Variants in AKR7A3 observed in about 807,000 individuals in gnomAD.
AKR7A3 encodes aldo-keto reductase family 7 member A3.
A neutral mutation model predicts 32.5 loss-of-function variants in AKR7A3; 37 were observed. That is an observed-to-expected ratio of 1.14 (90% CI 0.88 to 1.50). AKR7A3 has a LOEUF of 1.50. AKR7A3 is among the 40% of genes most tolerant of loss of function. The pLI, the probability that AKR7A3 is intolerant of heterozygous loss-of-function variation, is 0.00. For missense variants in AKR7A3, 412 were observed against 453.2 expected, an observed-to-expected ratio of 0.91 and a Z score of 0.83; for synonymous variants, 177 against 188.4, an observed-to-expected ratio of 0.94 and a Z score of 0.50.
At chr1:19,277,021 G>A in the AKR7A3 span, among the ~76,000 whole-genome samples, 1 of 151,944 alleles carries the variant, frequency 6.6e-6, no homozygotes, top group African/African-American at 2.4e-5. Context: ...GGCTGAGGCA[G>A]GAGAATCCCT....
chr1:19,287,854 G>C (rs2093733541), intron 1 of AKR7A3, among the ~76,000 whole-genome samples: 1 of 152,068 alleles, frequency 6.6e-6, no homozygotes. Flanking sequence ...AATAGCCTCC[G>C]ACAGAGCCTC....
rs569591525 is a variant in AKR7A3, at chr1:19,285,103, A to G, written c.519T>C (p.Asn173=). 1.9e-4 allele frequency: 307 copies of G among 1,613,462 alleles called. 3 individuals are homozygous for G. In the South Asian group the frequency reaches 2.4e-3, roughly 13 times the overall value. The part of the protein sequence containing the change: ...ILPTVYQGMY[N]AITRQVETEL... ...CCGTTTCCACCTGCCGGGTGATGGCATTGTACATGCCCTGTAAGGAGAGGG... is the reference window on the plus strand; with the variant it reads ...CCGTTTCCACCTGCCGGGTGATGGCGTTGTACATGCCCTGTAAGGAGAGGG... The change falls in exon 4 of 7, where the codon AAT becomes AAC. Residue 173 remains asparagine, a synonymous_variant. Transcript: ENST00000361640.
chr1:19,279,957 T>C (rs2093716419), downstream of AKR7A3, among the ~76,000 whole-genome samples: 1 of 151,346 alleles, frequency 6.6e-6, no homozygotes, highest in African/African-American at 2.5e-5. Context: ...CAGCCATCGT[T>C]AGTGTGAGTG....
downstream of AKR7A3, among the ~76,000 whole-genome samples, chr1:19,280,688 A>C (rs1269015607): frequency 6.6e-6 from 1 of 151,196 alleles, no homozygotes; most frequent in African/African-American, 2.5e-5. Flanking sequence ...CTCCCGCCTC[A>C]GCCTCCCGAG....
chr1:19,278,805 A>G (rs182401997), downstream of AKR7A3, among the ~76,000 whole-genome samples: 1 of 151,902 alleles, frequency 6.6e-6, no homozygotes, highest in East Asian at 1.9e-4. Flanking sequence ...GCAAGCACTC[A>G]TCTACTTTCT....
rs1401825086 is a variant in AKR7A3, at chr1:19,288,524, C to T, written c.186G>A (p.Gly62=). Residue 62 remains glycine, a synonymous_variant, in exon 1 of 7, where the codon GGG becomes GGA. Transcript: ENST00000361640. ...GQSETILGGL[G]LRLGGSDCRV... ...TGCAGTCGCTGCCGCCCAGCCGGAGCCCCAGGCCGCCAAGGATGGTCTCGG... is the reference window on the plus strand; with the variant it reads ...TGCAGTCGCTGCCGCCCAGCCGGAGTCCCAGGCCGCCAAGGATGGTCTCGG... The T allele has an allele frequency of 5.6e-6, 9 of 1,610,978 alleles. No individual in the cohort carries two copies. Among genetic ancestry groups the T allele is most frequent in the Admixed American group, 1.7e-5 (1 of 59,912 alleles).
the AKR7A3 span, among the ~76,000 whole-genome samples, chr1:19,274,899 C>CAAAAAAAAAAA: frequency 2.9e-4 from 13 of 44,284 alleles, 1 homozygote; most frequent in East Asian, 2.6e-3. Context: ...TCTCTAAATA[C>CAAAAAAAAAAA]AAAAAAAAAA....
chr1:19,274,907 A>AAAAAAAAAAAAAAAAAAAAAAAAAC, the AKR7A3 span, among the ~76,000 whole-genome samples: 1 of 147,726 alleles, frequency 6.8e-6, no homozygotes, highest in African/African-American at 2.5e-5. Flanking sequence ...TACAAAAAAA[A>AAAAAAAAAAAAAAAAAAAAAAAAAC]AAAAAAAAGA....
chr1:19,285,659 T>C (rs1308870668), intron 3 of AKR7A3, among the ~76,000 whole-genome samples: 1 of 150,596 alleles, frequency 6.6e-6, no homozygotes, highest in Non-Finnish European at 1.5e-5. Flanking sequence ...CAGGGGAAGG[T>C]AGGGAAGGAA....
chr1:19,284,443 C>G lies in AKR7A3; in HGVS notation c.704+243G>C, dbSNP rs1405778029. Among the ~76,000 whole-genome samples the G allele has an allele frequency of 5.3e-5, 8 of 151,910 alleles. No homozygotes were observed. In the East Asian group the frequency reaches 1.3e-3, roughly 26 times the overall value. ...TCCCTCCAGAGCTCCTTCTTTCCTT[C>G]CTAGCAGGTGATTGCTCAGGAAAGA... On this transcript the variant is annotated intron_variant, in intron 5 of 6. Transcript: ENST00000361640.
chr1:19,274,914 A>AAAAAAAAAAAAAAAAAAT, the AKR7A3 span, among the ~76,000 whole-genome samples: 1 of 148,894 alleles, frequency 6.7e-6, no homozygotes, highest in Non-Finnish European at 1.5e-5. Context: ...AAAAAAAAAA[A>AAAAAAAAAAAAAAAAAAT]AGACCAATAG....
downstream of AKR7A3, among the ~76,000 whole-genome samples, chr1:19,281,512 G>A (rs1398874807): frequency 6.6e-6 from 1 of 151,702 alleles, no homozygotes; most frequent in East Asian, 1.9e-4. Flanking sequence ...GCTCACACCT[G>A]TAATCCCAGC....
In AKR7A3 at chr1:19,286,006, G is replaced by T. The variant is rs528663771; in HGVS notation, c.403-14C>A. ...CACGAACTTGCCCTGCTCAGGTGAG[G>T]CTCCAGTCAGAACATAGTGCAGCCC... On this transcript the variant is annotated splice_polypyrimidine_tract_variant and intron_variant, in intron 2 of 6. Transcript: ENST00000361640. The T allele has an allele frequency of 6.2e-7, 1 of 1,613,562 alleles. No homozygotes were observed. Among genetic ancestry groups the T allele is most frequent in the Non-Finnish European group, 8.5e-7 (1 of 1,179,866 alleles).
In AKR7A3 at chr1:19,284,694, G is replaced by A. The variant is rs778440236; in HGVS notation, c.696C>T (p.Tyr232=). ...AAGCACCCACAGCTTACCGATTCCT[G>A]TACATCTCTGCCCAGGTATTCCCAA... is the stretch of plus-strand genomic sequence containing the variant. ...RFFGNTWAEM[Y]RNRYWKEHHF... Residue 232 remains tyrosine (Y), a synonymous_variant, in exon 5 of 7, where the codon TAC becomes TAT. Transcript: ENST00000361640. 3 of 1,613,676 alleles carry A rather than the reference G, an allele frequency of 1.9e-6. No individual in the cohort carries two copies. Among genetic ancestry groups the A allele is most frequent in the African/African-American group, 1.3e-5 (1 of 74,630 alleles).
chr1:19,278,646 A>C (rs2093714515), downstream of AKR7A3, among the ~76,000 whole-genome samples: 1 of 151,960 alleles, frequency 6.6e-6, no homozygotes, highest in Non-Finnish European at 1.5e-5. Context: ...CAGTTGACTT[A>C]AAGTGATGAT....
rs199503433 is a variant in AKR7A3, at chr1:19,284,664, A to T, written c.704+22T>A. On this transcript the variant is annotated intron_variant, in intron 5 of 6. Transcript: ENST00000361640. ...AAAGCTGACCCCACCCCAGCCATCC[A>T]CACCAAGCACCCACAGCTTACCGAT... is the stretch of plus-strand genomic sequence containing the variant. 5.8e-5 allele frequency: 94 copies of T among 1,612,842 alleles called. 1 individual carries two copies. The East Asian group carries it at 2.1e-3, about 36-fold the overall frequency.
At chr1:19,280,101 T>C (rs1213198618), downstream of AKR7A3, among the ~76,000 whole-genome samples, 2 of 151,794 alleles carry the variant, frequency 1.3e-5, no homozygotes, top group African/African-American at 4.9e-5. Flanking sequence ...ATTCTGTGGG[T>C]TGTCATTTCA....
rs540319874 is a variant in AKR7A3 at position 19,283,795 on chromosome 1, C to T, written c.834+201G>A. On this transcript the variant is annotated intron_variant, in intron 6 of 6. Coordinates refer to ENST00000361640, the MANE Select transcript of AKR7A3 (RefSeq NM_012067.3). ...GCAGTGACCCGAGATCATGCCACTGCACTCCAGCCTGGGTGACAGAGTGAG... is the reference window on the plus strand; with the variant it reads ...GCAGTGACCCGAGATCATGCCACTGTACTCCAGCCTGGGTGACAGAGTGAG... Among the ~76,000 whole-genome samples, 123 of 151,952 alleles carry T rather than the reference C, an allele frequency of 8.1e-4. 4 individuals are homozygous for T. The highest frequency in any genetic ancestry group is 2.8e-3 in the African/African-American group (117 of 41,284).
intron 5 of AKR7A3, 96 bp downstream of exon 5, chr1:19,284,590 A>C (rs2093725605): frequency 1.4e-5 from 18 of 1,276,638 alleles, no homozygotes; most frequent in Non-Finnish European, 1.8e-5. Flanking sequence ...TAGGTGCAGC[A>C]GCGAGGAAAG....
Sources: gnomAD v4.1 joint callset for allele counts (sites outside exome capture counted in the v4.1 genomes callset) on GRCh38, gnomAD v4.1.1 for gene constraint, MANE v1.5 for transcripts, NCBI Gene and HGNC (gene_info 2026-07-23, HGNC 2026-07-21) for gene names.